The following RERE variants were observed in gnomAD, a reference collection of about 807,000 sequenced individuals.
RERE encodes arginine-glutamic acid dipeptide repeats, also known as arginine-glutamic acid dipeptide repeats protein.
Under a neutral mutation model 146.1 loss-of-function variants are expected in RERE, and 40 were observed. That is an observed-to-expected ratio of 0.27 (90% confidence interval 0.21 to 0.36). The LOEUF (loss-of-function observed/expected upper bound fraction) is 0.36, where lower values mean the gene tolerates loss of function less well. Ranked by LOEUF, RERE falls within the 10% of genes least tolerant of loss-of-function variation. The pLI, the probability that RERE is intolerant of heterozygous loss-of-function variation, is 1.00. For missense variants in RERE, 1,933 were observed against 2,138.7 expected, an observed-to-expected ratio of 0.90 and a Z score of 1.90; for synonymous variants, 1,003 against 866.0, an observed-to-expected ratio of 1.16 and a Z score of -2.78.
At chr1:8,721,478 AT>A (rs1308459332) in intron 1 of RERE, among the ~76,000 whole-genome samples, 1 of 151,534 alleles carries the variant, frequency 6.6e-6, no homozygotes, top group Non-Finnish European at 1.5e-5. Flanking sequence ...CACCCAGCTA[AT>A]TTTTTTCTAT....
At chr1:8,699,174 T>C (rs556078526) in intron 1 of RERE, among the ~76,000 whole-genome samples, 1 of 152,362 alleles carries the variant, frequency 6.6e-6, no homozygotes, top group South Asian at 2.1e-4. Context: ...AACTATTCAC[T>C]GTTTTCCCAT....
intron 1 of RERE, among the ~76,000 whole-genome samples, chr1:8,693,710 A>C (rs1168582795): frequency 2.0e-5 from 3 of 152,182 alleles, no homozygotes. Context: ...GGAATGTATA[A>C]CACCAAGAGT....
At chr1:8,704,568 A>G (rs764343720) in intron 1 of RERE, among the ~76,000 whole-genome samples, 9 of 152,202 alleles carry the variant, frequency 5.9e-5, no homozygotes, top group Non-Finnish European at 1.3e-4. Context: ...AGAAATTTAG[A>G]CAGATTAAAG....
intron 4 of RERE, among the ~76,000 whole-genome samples, chr1:8,580,158 C>A (rs1646346155): frequency 6.6e-6 from 1 of 152,214 alleles, no homozygotes; most frequent in African/African-American, 2.4e-5. Context: ...ACCATCCCAT[C>A]ATGTGAGCCT....
intron 1 of RERE, among the ~76,000 whole-genome samples, chr1:8,770,625 G>A (rs1288343403): frequency 6.6e-6 from 1 of 152,152 alleles, no homozygotes; most frequent in African/African-American, 2.4e-5. Context: ...ACAACACTGT[G>A]GCAAACTGTA....
intron 2 of RERE, among the ~76,000 whole-genome samples, chr1:8,629,117 C>G (rs750093830): frequency 2.0e-5 from 3 of 152,118 alleles, no homozygotes; most frequent in African/African-American, 4.8e-5. Context: ...AATCAGCATG[C>G]CTGTAATGGG....
intron 4 of RERE, among the ~76,000 whole-genome samples, chr1:8,612,007 C>A (rs971284912): frequency 3.3e-5 from 5 of 152,142 alleles, no homozygotes; most frequent in Non-Finnish European, 5.9e-5. Flanking sequence ...TGTTGCCTCT[C>A]CAGCAGATAG....
Position 8,358,273 on chromosome 1 carries a change from T to G in RERE, c.4262A>C (p.Asn1421Thr), listed in dbSNP as rs370761311. 1.2e-6 allele frequency: 2 copies of G among 1,613,418 alleles called. No homozygotes were observed. Among genetic ancestry groups the G allele is most frequent in the Non-Finnish European group, 8.5e-7 (1 of 1,179,578 alleles). The change falls in exon 20 of 23, where the codon AAC becomes ACC. Residue 1421 changes from asparagine to threonine, a missense_variant. By Grantham distance (65) the Asn-to-Thr change is moderately conservative. Transcript: ENST00000400908. Reference sequence around the variant, plus strand: ...GTGCTGGTGATGGTGCGGAGTCACGTTGAACATCTGCAGTCGGGCCAGGGG... The same window carrying G: ...GTGCTGGTGATGGTGCGGAGTCACGGTGAACATCTGCAGTCGGGCCAGGGG... ...SDPLARLQMF[N>T]VTPHHHQHSH...
At chr1:8,394,590 A>ACTGCAGAGAACAAACTTAT (rs1642988465) in intron 12 of RERE, among the ~76,000 whole-genome samples, 1 of 152,204 alleles carries the variant, frequency 6.6e-6, no homozygotes, top group Non-Finnish European at 1.5e-5. Flanking sequence ...GAAAGGAGCT[A>ACTGCAGAGAACAAACTTAT]CTGCAGAGAA....
chr1:8,664,793 A>G (rs1194525162), intron 1 of RERE, among the ~76,000 whole-genome samples: 1 of 152,176 alleles, frequency 6.6e-6, no homozygotes, highest in African/African-American at 2.4e-5. Flanking sequence ...ATCTACTAGT[A>G]TGGCTTTCCT....
intron 1 of RERE, among the ~76,000 whole-genome samples, chr1:8,734,530 G>A (rs900213968): frequency 4.6e-5 from 7 of 152,106 alleles, no homozygotes; most frequent in African/African-American, 1.2e-4. Flanking sequence ...GCAGCACAAG[G>A]GGTGCACACA....
In RERE at chr1:8,360,085, C is replaced by A. The variant is rs1268908362; in HGVS notation, c.3395+27G>T. 5 of 1,575,702 alleles carry A rather than the reference C, an allele frequency of 3.2e-6. No homozygotes were observed. The South Asian group carries it at 5.9e-5, about 19-fold the overall frequency. ...CCCCCACCAGCCCACCTGTGCCTGA[C>A]CCGTCCTGGAGCCCTAGGAAGCGTA... On this transcript the variant is annotated intron_variant, in intron 18 of 22. Coordinates refer to ENST00000400908, the MANE Select transcript of RERE (RefSeq NM_001042681.2).
intron 11 of RERE, chr1:8,424,982 G>C (rs1379184290): frequency 1.3e-5 from 2 of 152,436 alleles, no homozygotes; most frequent in Non-Finnish European, 2.9e-5. Flanking sequence ...CGGTTGCAGA[G>C]AGCCCTTCAG....
At chr1:8,752,293 G>T (rs1339584915) in intron 1 of RERE, among the ~76,000 whole-genome samples, 2 of 151,834 alleles carry the variant, frequency 1.3e-5, no homozygotes, top group Non-Finnish European at 2.9e-5. Context: ...CATCATAAAA[G>T]AAACACTTCC....
chr1:8,417,833 T>C (rs539283136), intron 12 of RERE, among the ~76,000 whole-genome samples: 3 of 152,340 alleles, frequency 2.0e-5, no homozygotes, highest in Admixed American at 6.5e-5. Context: ...TTTCCAACCA[T>C]GCTCATGTAC....
At chr1:8,752,515 T>C (rs1640559473) in intron 1 of RERE, among the ~76,000 whole-genome samples, 1 of 152,192 alleles carries the variant, frequency 6.6e-6, no homozygotes, top group Admixed American at 6.5e-5. Flanking sequence ...TCAGAAAAGT[T>C]CATGTTTAAG....
chr1:8,536,492 A>G (rs1321952190), intron 7 of RERE, among the ~76,000 whole-genome samples: 2 of 152,170 alleles, frequency 1.3e-5, no homozygotes, highest in African/African-American at 4.8e-5. Flanking sequence ...GTAAGCTAAG[A>G]CCAATCTATT....
chr1:8,520,754 T>TAAAAAAAAAAAAAA (rs145670197), intron 7 of RERE, among the ~76,000 whole-genome samples: 1 of 92,992 alleles, frequency 1.1e-5, no homozygotes, highest in Non-Finnish European at 1.9e-5. Flanking sequence ...AAAAACTTTT[T>TAAAAAAAAAAAAAA]AAAAAAAAAA....
intron 13 of RERE, among the ~76,000 whole-genome samples, chr1:8,365,105 G>GT (rs1269249015): frequency 1.3e-5 from 2 of 152,246 alleles, no homozygotes; most frequent in Admixed American, 6.5e-5. Flanking sequence ...ACTGATGCCC[G>GT]TAACGGGTGA....
Sources: gnomAD v4.1 joint callset for allele counts (sites outside exome capture counted in the v4.1 genomes callset) on GRCh38, gnomAD v4.1.1 for gene constraint, MANE v1.5 for transcripts, NCBI Gene and HGNC (gene_info 2026-07-23, HGNC 2026-07-21) for gene names.